Variants in KCNT1 observed in about 807,000 individuals in gnomAD.
KCNT1 encodes the protein potassium channel subfamily T member 1.
A neutral mutation model predicts 147.8 loss-of-function variants in KCNT1; 78 were observed. That is an observed-to-expected ratio of 0.53 (90% CI 0.44 to 0.64). KCNT1 has a LOEUF of 0.64. Ranked by LOEUF, KCNT1 falls within the 30% of genes least tolerant of loss-of-function variation. The probability of loss-of-function intolerance (pLI) is 0.00; values close to 1 mark genes in which losing one functional copy is unlikely to be tolerated. For synonymous variants in KCNT1, 867 were observed against 748.8 expected, an observed-to-expected ratio of 1.16 and a Z score of -2.58; for missense variants, 1,419 against 1,750.3, an observed-to-expected ratio of 0.81 and a Z score of 3.38.
chr9:135,761,934 GC>G (rs1380810503), intron 11 of KCNT1, among the ~76,000 whole-genome samples: 3 of 152,166 alleles, frequency 2.0e-5, no homozygotes, highest in Non-Finnish European at 2.9e-5. Context: ...CCCAGCCCCA[GC>G]CACCCCCAGG....
intron 2 of KCNT1, among the ~76,000 whole-genome samples, chr9:135,725,978 C>T (rs566911680): frequency 1.1e-4 from 17 of 152,238 alleles, no homozygotes; most frequent in Non-Finnish European, 2.1e-4. Context: ...GCAGCCTCCC[C>T]GGCCACCACC....
At chr9:135,734,272 C>T (rs539361652) in intron 2 of KCNT1, among the ~76,000 whole-genome samples, 159 of 152,290 alleles carry the variant, frequency 1.0e-3, no homozygotes, top group Non-Finnish European at 1.4e-3. Context: ...CTGTGGACCC[C>T]GAGCCTGGGG....
At position 135,750,022 on chromosome 9, in the gene KCNT1, G is replaced by A. The variant is rs1463355728; in HGVS notation, c.255-76G>A. 5.8e-6 allele frequency: 7 copies of A among 1,197,702 alleles called. No homozygotes were observed. The Admixed American group carries it at 1.2e-4, about 21-fold the overall frequency. 74.2% of individuals were successfully genotyped at this position (1,197,702 alleles called of 1,614,324 possible). A position where few individuals can be genotyped will look rare whatever the true frequency, so the allele number is the denominator to read the frequency against. On this transcript the variant is annotated intron_variant, in intron 2 of 30. Coordinates refer to ENST00000371757, the MANE Select transcript of KCNT1 (RefSeq NM_020822.3). ...TTGGAAAGTTGGAAGAAGTCAGTCAGGTTGGGGCTCCCGGCGTGTCCCCAG... is the reference window on the plus strand; with the variant it reads ...TTGGAAAGTTGGAAGAAGTCAGTCAAGTTGGGGCTCCCGGCGTGTCCCCAG...
intron 1 of KCNT1, among the ~76,000 whole-genome samples, chr9:135,711,753 T>C (rs984761085): frequency 2.0e-5 from 3 of 152,216 alleles, no homozygotes; most frequent in Non-Finnish European, 4.4e-5. Context: ...CTGAGCTCTC[T>C]GATGGGCCTC....
chr9:135,785,896 A>AT, intron 28 of KCNT1: 1 of 493,584 alleles, frequency 2.0e-6, no homozygotes, highest in Non-Finnish European at 3.6e-6. Flanking sequence ...CCACAGAAAT[A>AT]AGGGCTCAGA....
At position 135,768,910 on chromosome 9, in the gene KCNT1, G is replaced by C. The variant is rs779779036; in HGVS notation, c.1483G>C (p.Glu495Gln). The stretch of plus-strand genomic sequence containing the variant: ...CCTCTACGTCCAGATCCTCAAACCT[G>C]AAAACAAGTTTCACGTCAAGTTTGC... Reference protein sequence around the residue: ...CPLYVQILKPENKFHVKFADH... With the variant: ...CPLYVQILKPQNKFHVKFADH... The change falls in exon 15 of 31, where the codon GAA becomes CAA. Residue 495 changes from glutamate to glutamine, a missense_variant. Transcript: ENST00000371757. 5.0e-6 allele frequency: 8 copies of C among 1,613,396 alleles called. No homozygotes were observed. Among genetic ancestry groups the C allele is most frequent in the African/African-American group, 2.7e-5 (2 of 74,928 alleles).
At chr9:135,710,805 G>A (rs934610845) in intron 1 of KCNT1, among the ~76,000 whole-genome samples, 5 of 152,160 alleles carry the variant, frequency 3.3e-5, no homozygotes, top group South Asian at 2.1e-4. Context: ...ATAGTGATGC[G>A]CTCTTGATTG....
chr9:135,715,184 C>T (rs1308594044), intron 2 of KCNT1, among the ~76,000 whole-genome samples: 2 of 152,210 alleles, frequency 1.3e-5, no homozygotes, highest in African/African-American at 4.8e-5. Flanking sequence ...GTGACCTGGT[C>T]ACTTATTCCG....
At chr9:135,786,144 A>ACCCTCCCGGCAGCCTCAC (rs1834026465) in intron 28 of KCNT1, 53 bp from the exon 29 acceptor site, 10 of 1,515,930 alleles carry the variant, frequency 6.6e-6, no homozygotes, top group South Asian at 2.4e-5. Flanking sequence ...AAAGCCCGCG[A>ACCCTCCCGGCAGCCTCAC]CCCTCCCGGC....
At chr9:135,734,845 G>A (rs915402919) in intron 2 of KCNT1, among the ~76,000 whole-genome samples, 1 of 152,184 alleles carries the variant, frequency 6.6e-6, no homozygotes, top group African/African-American at 2.4e-5. Flanking sequence ...GCCCCAGGGT[G>A]ACCATGTATG....
rs930308154 is a variant in KCNT1 at position 135,752,861 on chromosome 9, G to A, written c.435-1076G>A. ...ATGGAGGGATGAGTGAATGGGTGGAGGGATGAGTGGATGGATGGAGAGATG... is the reference window on the plus strand; with the variant it reads ...ATGGAGGGATGAGTGAATGGGTGGAAGGATGAGTGGATGGATGGAGAGATG... On this transcript the variant is annotated intron_variant, in intron 4 of 30. Transcript: ENST00000371757. The surrounding 1 kb of genome is among the most constrained non-coding windows in gnomAD (Gnocchi z 5.1). Among the ~76,000 whole-genome samples, 1 of 150,676 alleles carries A rather than the reference G, an allele frequency of 6.6e-6. No homozygotes were observed. Among genetic ancestry groups the A allele is most frequent in the Admixed American group, 6.6e-5 (1 of 15,140 alleles).
chr9:135,735,462 C>T (rs748212557), intron 2 of KCNT1, among the ~76,000 whole-genome samples: 1 of 152,182 alleles, frequency 6.6e-6, no homozygotes, highest in Non-Finnish European at 1.5e-5. Flanking sequence ...CCACCCCATC[C>T]GCGTTGGCCA....
chr9:135,720,202 A>G (rs2131339686), intron 2 of KCNT1, among the ~76,000 whole-genome samples: 1 of 151,768 alleles, frequency 6.6e-6, no homozygotes, highest in South Asian at 2.1e-4. Flanking sequence ...ACCCGACCCT[A>G]CCCCACAGTG....
intron 2 of KCNT1, among the ~76,000 whole-genome samples, chr9:135,747,603 A>G (rs1272914528): frequency 6.6e-6 from 1 of 152,178 alleles, no homozygotes; most frequent in African/African-American, 2.4e-5. Context: ...ACACTTATGC[A>G]GGGAGGGGCC....
intron 2 of KCNT1, among the ~76,000 whole-genome samples, chr9:135,716,032 G>T (rs1835707640): frequency 6.6e-6 from 1 of 152,338 alleles, no homozygotes; most frequent in East Asian, 1.9e-4. Context: ...CCCTGTGTGG[G>T]CAGAGGGCAG....
At chr9:135,762,908 G>A (rs750773576) in intron 11 of KCNT1, among the ~76,000 whole-genome samples, 1 of 152,236 alleles carries the variant, frequency 6.6e-6, no homozygotes, top group Non-Finnish European at 1.5e-5. Flanking sequence ...ACAAGTGACC[G>A]ACAGCCCAGC....
chr9:135,707,724 G>C (rs1467149260), intron 1 of KCNT1, among the ~76,000 whole-genome samples: 1 of 152,188 alleles, frequency 6.6e-6, no homozygotes, highest in Non-Finnish European at 1.5e-5. Context: ...CTTGGGCACG[G>C]GTCCAGGGGT....
intron 9 of KCNT1, among the ~76,000 whole-genome samples, 192 bp from the exon 10 acceptor site, chr9:135,758,222 G>T (rs1246803682): frequency 6.8e-6 from 1 of 147,800 alleles, no homozygotes; most frequent in African/African-American, 2.5e-5. Context: ...CGCAGGTGTG[G>T]CCAGGTGCAG....
intron 20 of KCNT1, among the ~76,000 whole-genome samples, chr9:135,776,942 T>C (rs1340015926): frequency 1.3e-5 from 2 of 152,218 alleles, no homozygotes; most frequent in African/African-American, 4.8e-5. Context: ...CCTGATTCCT[T>C]TTAGTGGAAA....
Sources: allele counts gnomAD v4.1 joint callset (sites outside exome capture counted in the v4.1 genomes callset), GRCh38; gene constraint gnomAD v4.1.1; non-coding constraint Gnocchi (gnomAD v3.1); transcripts MANE v1.5; gene names NCBI Gene and HGNC (gene_info 2026-07-23, HGNC 2026-07-21).